The following SPAG16 variants were observed in gnomAD, a reference collection of about 807,000 sequenced individuals.
The protein encoded by SPAG16 is sperm associated antigen 16.
In SPAG16, 86 loss-of-function variants were observed where a neutral mutation model predicts 80.4. That is an observed-to-expected ratio of 1.07 (90% CI 0.90 to 1.28). The LOEUF (loss-of-function observed/expected upper bound fraction) is 1.28. Ranked by LOEUF, SPAG16 falls within the 50% of genes most tolerant of loss-of-function variation. SPAG16 has a pLI of 0.00. For synonymous variants in SPAG16, 294 were observed against 265.9 expected (o/e 1.11, Z -1.03); for missense variants, 870 against 765.3 (o/e 1.14, Z -1.61).
intron 12 of SPAG16, among the ~76,000 whole-genome samples, chr2:213,989,045 A>T (rs1006327186): frequency 6.6e-6 from 1 of 152,096 alleles, no homozygotes; most frequent in Non-Finnish European, 1.5e-5. Context: ...AACTGGATCT[A>T]GGTTTGTGCT....
intron 9 of SPAG16, among the ~76,000 whole-genome samples, chr2:213,433,526 G>T (rs2070429480): frequency 6.6e-6 from 1 of 152,062 alleles, no homozygotes; most frequent in South Asian, 2.1e-4. Flanking sequence ...AAAATAGTTA[G>T]TAATATATTT....
chr2:214,209,994 A>C (rs991954243), intron 15 of SPAG16, among the ~76,000 whole-genome samples: 18 of 152,220 alleles, frequency 1.2e-4, no homozygotes, highest in African/African-American at 4.3e-4. Flanking sequence ...TTTAAGGTTT[A>C]TAACAACTCC....
intron 8 of SPAG16, among the ~76,000 whole-genome samples, chr2:213,365,932 G>A (rs1456562723): frequency 6.7e-6 from 1 of 150,290 alleles, no homozygotes. Context: ...CACGAGGTCA[G>A]GAGATCGAGA....
chr2:214,000,929 G>A (rs2046762912), intron 12 of SPAG16, among the ~76,000 whole-genome samples: 1 of 152,034 alleles, frequency 6.6e-6, no homozygotes, highest in Non-Finnish European at 1.5e-5. Context: ...TGCTTGCTGG[G>A]CCCTTTACTC....
At chr2:213,914,381 G>A (rs1257716659) in intron 11 of SPAG16, among the ~76,000 whole-genome samples, 1 of 151,920 alleles carries the variant, frequency 6.6e-6, no homozygotes, top group Non-Finnish European at 1.5e-5. Flanking sequence ...TGCCAGTAGA[G>A]GAAAATTTTT....
intron 13 of SPAG16, among the ~76,000 whole-genome samples, chr2:214,097,019 T>C (rs988812573): frequency 3.3e-5 from 5 of 152,052 alleles, no homozygotes; most frequent in African/African-American, 1.2e-4. Flanking sequence ...TTCCAGAATA[T>C]ATGAAATGTT....
intron 15 of SPAG16, among the ~76,000 whole-genome samples, chr2:214,288,020 C>T (rs1240434340): frequency 2.0e-5 from 3 of 152,120 alleles, no homozygotes; most frequent in African/African-American, 7.2e-5. Flanking sequence ...GGGATTATTT[C>T]TTCTATTTAA....
chr2:213,903,433 G>A (rs1297273292), intron 11 of SPAG16, among the ~76,000 whole-genome samples: 2 of 152,186 alleles, frequency 1.3e-5, no homozygotes, highest in Non-Finnish European at 2.9e-5. Flanking sequence ...AAGGCTTGGA[G>A]CTTGCACCCT....
intron 10 of SPAG16, among the ~76,000 whole-genome samples, chr2:213,818,217 G>A (rs115590510): frequency 0.034 from 5,109 of 152,206 alleles, 135 homozygotes; most frequent in Non-Finnish European, 0.048. Flanking sequence ...GTTACCTTGC[G>A]CAGTAGATCT....
At chr2:213,637,674 G>T (rs759033226) in intron 10 of SPAG16, among the ~76,000 whole-genome samples, 3 of 152,094 alleles carry the variant, frequency 2.0e-5, no homozygotes, top group Non-Finnish European at 2.9e-5. Context: ...ATCTAGGAGG[G>T]TTGTATTTTT....
intron 15 of SPAG16, among the ~76,000 whole-genome samples, chr2:214,289,020 G>C (rs1576687844): frequency 6.6e-6 from 1 of 152,142 alleles, no homozygotes; most frequent in African/African-American, 2.4e-5. Flanking sequence ...CACCTGCTTT[G>C]GCCTCCCAAA....
intron 15 of SPAG16, chr2:214,238,143 C>A: frequency 2.4e-6 from 1 of 411,902 alleles, no homozygotes; most frequent in South Asian, 1.8e-5. Flanking sequence ...CAGAAAATAC[C>A]ACGTATCTTT....
At chr2:213,727,644 G>A (rs2066830056) in intron 10 of SPAG16, among the ~76,000 whole-genome samples, 1 of 152,062 alleles carries the variant, frequency 6.6e-6, no homozygotes, top group Non-Finnish European at 1.5e-5. Context: ...AGGAGTGTTG[G>A]GAGATAAGGG....
Position 213,546,015 on chromosome 2 carries a change from G to A in SPAG16, c.1070+55925G>A, listed in dbSNP as rs1457750800. Among the ~76,000 whole-genome samples, 4 of 151,932 alleles carry A rather than the reference G, an allele frequency of 2.6e-5. No individual in the cohort carries two copies. The East Asian group carries it at 7.7e-4, about 29-fold the overall frequency. On this transcript the variant is annotated intron_variant, in intron 10 of 15. Coordinates refer to ENST00000331683, the MANE Select transcript of SPAG16 (RefSeq NM_024532.5). Reference sequence around the variant, plus strand: ...TCATTTTCTCTTTTTGTCTTTAGTTGGGTGCCTTACCTTTGCCTTACTTTG... The same window carrying A: ...TCATTTTCTCTTTTTGTCTTTAGTTAGGTGCCTTACCTTTGCCTTACTTTG...
intron 5 of SPAG16, among the ~76,000 whole-genome samples, chr2:213,322,496 C>CT (rs561271815): frequency 1.8e-4 from 28 of 152,000 alleles, no homozygotes; most frequent in African/African-American, 4.3e-4. Context: ...ATTTAGCAGT[C>CT]TTTTTTTTCC....
At chr2:213,876,318 A>AG (rs1553651101) in intron 11 of SPAG16, among the ~76,000 whole-genome samples, 2 of 136,138 alleles carry the variant, frequency 1.5e-5, no homozygotes, top group African/African-American at 5.1e-5. Context: ...AAAAAAAAAA[A>AG]AAGAAGAAGA....
chr2:213,554,134 T>A (rs1392380957), intron 10 of SPAG16, among the ~76,000 whole-genome samples: 1 of 152,142 alleles, frequency 6.6e-6, no homozygotes, highest in Non-Finnish European at 1.5e-5. Flanking sequence ...AGTAACAACT[T>A]CTCTGGTATG....
chr2:213,531,605 G>A (rs558201026), intron 10 of SPAG16, among the ~76,000 whole-genome samples: 16 of 151,928 alleles, frequency 1.1e-4, no homozygotes, highest in Admixed American at 3.9e-4. Context: ...CAAGTCCAGC[G>A]CTTCTTTAGA....
chr2:214,238,587 A>G (rs1413036931), intron 15 of SPAG16: 1 of 151,090 alleles, frequency 6.6e-6, no homozygotes, highest in African/African-American at 2.4e-5. Context: ...ACTTTGTTAA[A>G]TTAACATTAT....
Sources: allele counts gnomAD v4.1 joint callset (sites outside exome capture counted in the v4.1 genomes callset), GRCh38; gene constraint gnomAD v4.1.1; transcripts MANE v1.5; gene names NCBI Gene and HGNC (gene_info 2026-07-23, HGNC 2026-07-21).